Variants in KCNH8 observed in about 807,000 individuals in gnomAD.
KCNH8 encodes the protein potassium voltage-gated channel subfamily H member 8.
In KCNH8, 70 loss-of-function variants were observed where a neutral mutation model predicts 103.6. The observed-to-expected ratio is 0.68, with a 90% CI of 0.56 to 0.82. The LOEUF is 0.82. KCNH8 is among the 40% of genes least tolerant of loss of function. The probability of loss-of-function intolerance (pLI) is 0.00; values close to 1 mark genes in which losing one functional copy is unlikely to be tolerated. For synonymous variants in KCNH8, 498 were observed against 489.4 expected (o/e 1.02, Z -0.23); for missense variants, 1,217 against 1,329.9 (o/e 0.92, Z 1.32).
intron 8 of KCNH8, among the ~76,000 whole-genome samples, chr3:19,445,525 G>C (rs1358376898): frequency 6.6e-6 from 1 of 151,844 alleles, no homozygotes; most frequent in African/African-American, 2.4e-5. Context: ...TAATAGATGA[G>C]CTAAAAATAA....
chr3:19,485,897 A>G (rs2068196438), intron 11 of KCNH8, among the ~76,000 whole-genome samples: 1 of 152,190 alleles, frequency 6.6e-6, no homozygotes, highest in African/African-American at 2.4e-5. Context: ...CCAGGGTTTA[A>G]CAGGCCCTTT....
intron 1 of KCNH8, among the ~76,000 whole-genome samples, chr3:19,159,118 A>G (rs2063209130): frequency 6.6e-6 from 1 of 151,612 alleles, no homozygotes; most frequent in African/African-American, 2.4e-5. Flanking sequence ...CTTTTTATCC[A>G]TTGTCATTTT....
chr3:19,378,680 A>G (rs1453501732), intron 5 of KCNH8, among the ~76,000 whole-genome samples: 3 of 152,222 alleles, frequency 2.0e-5, no homozygotes, highest in East Asian at 3.8e-4. Context: ...AGGTACCACA[A>G]TCTATTTTAA....
chr3:19,187,387 C>G lies in KCNH8; in HGVS notation c.76+38592C>G, dbSNP rs538775013. 1.2e-4 allele frequency among the ~76,000 whole-genome samples: 18 copies of G among 151,988 alleles called. No homozygotes were observed. In the South Asian group the frequency reaches 2.9e-3, roughly 25 times the overall value. On this transcript the variant is annotated intron_variant, in intron 1 of 15. Coordinates refer to ENST00000328405, the MANE Select transcript of KCNH8 (RefSeq NM_144633.3). Reference sequence around the variant, plus strand: ...ATATATAATATAAATAAATAATTGTCATGAAATAACAACAACGGAGCCTAT... The same window carrying G: ...ATATATAATATAAATAAATAATTGTGATGAAATAACAACAACGGAGCCTAT...
At chr3:19,335,672 G>T (rs1323807255) in intron 3 of KCNH8, among the ~76,000 whole-genome samples, 1 of 151,416 alleles carries the variant, frequency 6.6e-6, no homozygotes, top group East Asian at 1.9e-4. Context: ...CCTCAGAGAG[G>T]GGTGGTAAGT....
At chr3:19,235,485 T>C (rs2064053281) in intron 1 of KCNH8, among the ~76,000 whole-genome samples, 1 of 152,142 alleles carries the variant, frequency 6.6e-6, no homozygotes. Context: ...GAGGAAGCAA[T>C]GTTGGCTGCA....
At chr3:19,455,985 C>G (rs1397218816) in intron 10 of KCNH8, among the ~76,000 whole-genome samples, 1 of 152,006 alleles carries the variant, frequency 6.6e-6, no homozygotes, top group African/African-American at 2.4e-5. Flanking sequence ...GCATCAGTAT[C>G]CAACTTTGAG....
intron 7 of KCNH8, among the ~76,000 whole-genome samples, chr3:19,436,053 C>A (rs986907957): frequency 6.6e-6 from 1 of 152,096 alleles, no homozygotes; most frequent in African/African-American, 2.4e-5. Context: ...TCGAAAAATA[C>A]ATCAACTGAA....
chr3:19,473,297 T>A (rs2067902763), intron 11 of KCNH8, among the ~76,000 whole-genome samples: 1 of 152,204 alleles, frequency 6.6e-6, no homozygotes, highest in South Asian at 2.1e-4. Context: ...GCTTGTCATA[T>A]CTCATCAGAA....
intron 5 of KCNH8, among the ~76,000 whole-genome samples, chr3:19,357,140 T>C (rs1221935281): frequency 1.3e-5 from 2 of 151,862 alleles, no homozygotes; most frequent in Non-Finnish European, 1.5e-5. Context: ...ACCAAGTCTA[T>C]CCAACAGGAT....
At position 19,367,413 on chromosome 3, in the gene KCNH8, TA is replaced by T. The variant is rs1171897959; in HGVS notation, c.811+19449del. 1.7e-4 allele frequency among the ~76,000 whole-genome samples: 25 copies of T among 146,486 alleles called. No homozygotes were observed. The East Asian group carries it at 4.6e-3, about 27-fold the overall frequency. ...CTCTCTCTATATATATATTTATATA[TA>T]TATCAGAAATATATATATCATAATA... On this transcript the variant is annotated intron_variant, in intron 5 of 15. Coordinates refer to ENST00000328405, the MANE Select transcript of KCNH8 (RefSeq NM_144633.3).
intron 7 of KCNH8, among the ~76,000 whole-genome samples, chr3:19,416,870 A>G (rs959942005): frequency 1.3e-5 from 2 of 152,150 alleles, no homozygotes; most frequent in Non-Finnish European, 2.9e-5. Flanking sequence ...TGTTATTCCC[A>G]TAAGCTGGTA....
chr3:19,484,705 C>T (rs763432734), intron 11 of KCNH8, among the ~76,000 whole-genome samples: 8 of 152,038 alleles, frequency 5.3e-5, no homozygotes, highest in African/African-American at 9.7e-5. Context: ...AAAGGGGCTA[C>T]GTTCCAGTCC....
chr3:19,368,873 A>G (rs1298379259), intron 5 of KCNH8, among the ~76,000 whole-genome samples: 5 of 152,028 alleles, frequency 3.3e-5, no homozygotes, highest in Non-Finnish European at 4.4e-5. Context: ...ATTTTACTTT[A>G]TAGCCACAAA....
intron 3 of KCNH8, among the ~76,000 whole-genome samples, chr3:19,341,209 C>T (rs2065655447): frequency 6.6e-6 from 1 of 152,080 alleles, no homozygotes; most frequent in Non-Finnish European, 1.5e-5. Context: ...ACCAGTAGTG[C>T]ATTGCCAGAG....
At chr3:19,491,526 T>C (rs2125224391) in intron 11 of KCNH8, among the ~76,000 whole-genome samples, 1 of 152,344 alleles carries the variant, frequency 6.6e-6, no homozygotes, top group East Asian at 1.9e-4. Flanking sequence ...TTTATGACTG[T>C]ATTACTATGG....
At chr3:19,374,312 A>C (rs2066154626) in intron 5 of KCNH8, among the ~76,000 whole-genome samples, 1 of 151,544 alleles carries the variant, frequency 6.6e-6, no homozygotes. Context: ...GTGCATATCT[A>C]TTTAGGATAG....
intron 15 of KCNH8, among the ~76,000 whole-genome samples, chr3:19,524,463 TTA>T (rs1268656927): frequency 9.2e-5 from 14 of 152,052 alleles, no homozygotes; most frequent in African/African-American, 3.1e-4. Context: ...TCCAACTAAT[TTA>T]TGTTTTGTAG....
Position 19,148,768 on chromosome 3 carries a change from A to G in KCNH8, c.49A>G (p.Thr17Ala). 6.2e-7 allele frequency: 1 copy of G among 1,614,098 alleles called. No homozygotes were observed. Among genetic ancestry groups the G allele is most frequent in the Non-Finnish European group, 8.5e-7 (1 of 1,179,986 alleles). ...GGCGCCGCAAAACACCTTCCTGGAC[A>G]CCATCGCCACCCGTTTTGACGGAAC... Reference protein sequence around the residue: ...LLAPQNTFLDTIATRFDGTHS... With the variant: ...LLAPQNTFLDAIATRFDGTHS... Residue 17 changes from threonine (T) to alanine (A), a missense_variant, in exon 1 of 16, where the codon ACC (threonine) becomes GCC (alanine). Physicochemically the swap from Thr to Ala is moderately conservative, Grantham distance 58. This residue lies in a region of KCNH8 where 244 missense variants were observed against 256.8 expected (regional missense o/e 0.95). Coordinates refer to ENST00000328405, the MANE Select transcript of KCNH8 (RefSeq NM_144633.3).
Sources: allele counts gnomAD v4.1 joint callset (sites outside exome capture counted in the v4.1 genomes callset), GRCh38; gene constraint gnomAD v4.1.1; regional missense constraint gnomAD v4.1.1; transcripts MANE v1.5; gene names NCBI Gene and HGNC (gene_info 2026-07-23, HGNC 2026-07-21).